FBXW10: variants seen among roughly 807,000 people sequenced by gnomAD.
FBXW10 encodes the protein F-box and WD repeat domain containing 10.
Under a neutral mutation model 113.1 loss-of-function variants are expected in FBXW10, and 68 were observed. The ratio of observed to expected loss-of-function variants is 0.60; its 90% CI spans 0.49 to 0.74. The LOEUF (loss-of-function observed/expected upper bound fraction) is 0.74. Ranked by LOEUF, FBXW10 falls within the 30% of genes least tolerant of loss-of-function variation. The pLI is 0.00. For missense variants in FBXW10, 753 were observed against 1,284.5 expected, an observed-to-expected ratio of 0.59 and a Z score of 6.32; for synonymous variants, 289 against 481.6, an observed-to-expected ratio of 0.60 and a Z score of 5.24.
chr17:18,772,482 G>GA lies in FBXW10; in HGVS notation c.2083dup (p.Thr695AsnfsTer7), dbSNP rs2035634034. 2.5e-6 allele frequency: 4 copies of GA among 1,613,792 alleles called. No homozygotes were observed. The highest frequency in any genetic ancestry group is 1.1e-5 in the South Asian group (1 of 91,080). On this transcript the variant is annotated frameshift_variant, in exon 12 of 14. Transcript: ENST00000395665. LOFTEE classifies it high-confidence loss of function. ...GCACATAAAGTGGCAGTATGCCGTG[G>GA]AAAAAACGAAACAAAAGAAGAATAA...
At chr17:18,761,446 T>C (rs2035384003) in intron 7 of FBXW10, among the ~76,000 whole-genome samples, 1 of 152,050 alleles carries the variant, frequency 6.6e-6, no homozygotes, top group South Asian at 2.1e-4. Context: ...TTTGTATTTT[T>C]AGTAGAGACA....
At chr17:18,772,132 T>TA (rs2035626266) in intron 11 of FBXW10, among the ~76,000 whole-genome samples, 1 of 151,996 alleles carries the variant, frequency 6.6e-6, no homozygotes, top group African/African-American at 2.4e-5. Flanking sequence ...AAATAAAAAA[T>TA]AAAAAAGCAT....
At position 18,770,081 on chromosome 17, in the gene FBXW10, A is replaced by C; in HGVS notation, c.2002A>C (p.Asn668His). The change falls in exon 11 of 14, where the codon AAC becomes CAC. Residue 668 changes from asparagine (N) to histidine (H), a missense_variant. Transcript: ENST00000395665. ...DPVLSFFIQG[N>H]RMVVNTESNV... ...TGTGCTGTCCTTCTTTATTCAGGGCAACAGGTGGGTGGTAGGTGTGGAGGT... is the reference window on the plus strand; with the variant it reads ...TGTGCTGTCCTTCTTTATTCAGGGCCACAGGTGGGTGGTAGGTGTGGAGGT... 2 of 1,614,136 alleles carry C rather than the reference A, an allele frequency of 1.2e-6. No homozygotes were observed. Among genetic ancestry groups the C allele is most frequent in the Non-Finnish European group, 1.7e-6 (2 of 1,180,006 alleles).
chr17:18,761,396 G>A (rs1386396897), intron 7 of FBXW10, among the ~76,000 whole-genome samples: 12 of 151,808 alleles, frequency 7.9e-5, no homozygotes, highest in Non-Finnish European at 1.5e-4. Context: ...CTCCCGAGTA[G>A]CTGGGACTAC....
rs576529715 is a variant in FBXW10, at chr17:18,758,853, A to G, written c.1433+348A>G. Among the ~76,000 whole-genome samples, 306 of 151,420 alleles carry G rather than the reference A, an allele frequency of 2.0e-3. 1 individual carries two copies. Among genetic ancestry groups the G allele is most frequent in the South Asian group, 4.8e-3 (23 of 4,778 alleles). On this transcript the variant is annotated intron_variant, in intron 7 of 13. Coordinates refer to ENST00000395665, the MANE Select transcript of FBXW10 (RefSeq NM_001267585.2). ...TTTTTATGGGTTTGAGACAGACTAT[A>G]GAGGCAAAATAGTGCTTTAAAAACA...
rs1405333597 is a variant in FBXW10, at chr17:18,765,721, CT to C, written c.1555+861del. ...TTCATTCCTGAATTCATAGAGATCA[CT>C]TTCAACTTCTTCCTTTTTTTTTTGA... On this transcript the variant is annotated intron_variant, in intron 8 of 13. Transcript: ENST00000395665. Among the ~76,000 whole-genome samples, 10 of 152,120 alleles carry C rather than the reference CT, an allele frequency of 6.6e-5. 1 individual carries two copies. The East Asian group carries it at 1.2e-3, about 18-fold the overall frequency.
At chr17:18,757,112 A>ATATACATATACATG (rs1436836534) in intron 6 of FBXW10, among the ~76,000 whole-genome samples, 2 of 152,240 alleles carry the variant, frequency 1.3e-5, no homozygotes, top group Non-Finnish European at 2.9e-5. Context: ...GTACATGTAT[A>ATATACATATACATG]TATATACATA....
intron 13 of FBXW10, among the ~76,000 whole-genome samples, chr17:18,778,178 G>C (rs866071778): frequency 6.6e-6 from 1 of 152,176 alleles, no homozygotes; most frequent in African/African-American, 2.4e-5. Flanking sequence ...GCGTGAACCC[G>C]GAAGGCAGAG....
Position 18,761,464 on chromosome 17 carries a change from T to A in FBXW10, c.1433+2959T>A, listed in dbSNP as rs189165005. 2.8e-4 allele frequency among the ~76,000 whole-genome samples: 43 copies of A among 152,126 alleles called. 1 individual carries two copies. The East Asian group carries it at 7.7e-3, about 27-fold the overall frequency. ...GTATTTTTAGTAGAGACAAGGTTTCTCTGTGCTAGCCAGGATGGTCTCGAT... is the reference window on the plus strand; with the variant it reads ...GTATTTTTAGTAGAGACAAGGTTTCACTGTGCTAGCCAGGATGGTCTCGAT... On this transcript the variant is annotated intron_variant, in intron 7 of 13. Coordinates refer to ENST00000395665, the MANE Select transcript of FBXW10 (RefSeq NM_001267585.2).
intron 2 of FBXW10, among the ~76,000 whole-genome samples, chr17:18,748,766 T>G (rs1356221046): frequency 6.6e-6 from 1 of 152,198 alleles, no homozygotes; most frequent in African/African-American, 2.4e-5. Context: ...ATCCATTGTC[T>G]AGTCCCTGGG....
intron 7 of FBXW10, among the ~76,000 whole-genome samples, chr17:18,759,031 G>C (rs541022363): frequency 1.3e-5 from 2 of 152,046 alleles, no homozygotes; most frequent in Non-Finnish European, 2.9e-5. Context: ...TTAGCTGGGC[G>C]TGGTGGCGGG....
chr17:18,772,733 C>A, intron 12 of FBXW10, 50 bp downstream of exon 12: 1 of 1,523,002 alleles, frequency 6.6e-7, no homozygotes, highest in South Asian at 1.2e-5. Context: ...CAGAGCAGGT[C>A]GGGGTTTGGT....
chr17:18,775,676 GC>G (rs979813846), intron 13 of FBXW10, among the ~76,000 whole-genome samples: 2 of 152,170 alleles, frequency 1.3e-5, no homozygotes, highest in African/African-American at 4.8e-5. Flanking sequence ...TGGGGCAGGT[GC>G]TATATATGTG....
chr17:18,757,132 G>GTA (rs1256261275), intron 6 of FBXW10, among the ~76,000 whole-genome samples: 2 of 151,986 alleles, frequency 1.3e-5, no homozygotes, highest in Admixed American at 6.6e-5. Flanking sequence ...AAAAATATAT[G>GTA]TATATACACA....
intron 7 of FBXW10, among the ~76,000 whole-genome samples, chr17:18,760,530 G>A (rs1200302769): frequency 2.0e-5 from 3 of 152,198 alleles, no homozygotes; most frequent in East Asian, 1.9e-4. Context: ...TGGGCCAGGC[G>A]CGGTGGCTCA....
At chr17:18,745,083 CT>C (rs2035014436) in intron 1 of FBXW10, 1 of 1,227,196 alleles carries the variant, frequency 8.1e-7, no homozygotes, top group African/African-American at 1.5e-5. Flanking sequence ...GTCGTTCCTG[CT>C]TTAGGGATTG....
chr17:18,768,414 G>A (rs1035585405), intron 9 of FBXW10, 120 bp from the exon 10 acceptor site: 12 of 1,331,728 alleles, frequency 9.0e-6, no homozygotes, highest in African/African-American at 5.8e-5. Context: ...GGTACCTACC[G>A]AGTGACTGGC....
chr17:18,764,129 AGT>A (rs2035439713), intron 7 of FBXW10, among the ~76,000 whole-genome samples: 1 of 147,726 alleles, frequency 6.8e-6, no homozygotes, highest in Non-Finnish European at 1.5e-5. Flanking sequence ...TGGGGGTAGA[AGT>A]TACCCAAGAT....
intron 11 of FBXW10, among the ~76,000 whole-genome samples, chr17:18,771,113 A>AC (rs1024333565): frequency 1.9e-4 from 28 of 150,662 alleles, no homozygotes; most frequent in African/African-American, 6.2e-4. Flanking sequence ...GCTAAAAAAA[A>AC]AAAACAAAAC....
Sources: allele counts gnomAD v4.1 joint callset (sites outside exome capture counted in the v4.1 genomes callset), GRCh38; gene constraint gnomAD v4.1.1; transcripts MANE v1.5; gene names NCBI Gene and HGNC (gene_info 2026-07-23, HGNC 2026-07-21).